EPG5: variants seen among roughly 807,000 people sequenced by gnomAD.
EPG5 encodes ectopic P granules protein 5 homolog.
Under a neutral mutation model 302.7 loss-of-function variants are expected in EPG5, and 159 were observed. That is an observed-to-expected ratio of 0.53 (90% confidence interval 0.46 to 0.60). The LOEUF is 0.60. Ranked by LOEUF, EPG5 falls within the 20% of genes least tolerant of loss-of-function variation. The pLI, the probability that EPG5 is intolerant of heterozygous loss-of-function variation, is 0.00. For synonymous variants in EPG5, 1,158 were observed against 1,136.8 expected, an observed-to-expected ratio of 1.02 and a Z score of -0.37; for missense variants, 2,896 against 3,092.4, an observed-to-expected ratio of 0.94 and a Z score of 1.51.
chr18:45,870,589 ATC>A lies in EPG5; in HGVS notation c.6201_6202del (p.Gln2067HisfsTer27). 6.2e-7 allele frequency: 1 copy of A among 1,613,754 alleles called. No homozygotes were observed. The highest frequency in any genetic ancestry group is 8.5e-7 in the Non-Finnish European group (1 of 1,179,756). ...TACTTTGAAGAAGGCCTCCATGAGC[ATC>A]TGGTCAGGGTGCAGGTCCTTCCATG... On this transcript the variant is annotated frameshift_variant, in exon 36 of 44. Coordinates refer to ENST00000282041, the MANE Select transcript of EPG5 (RefSeq NM_020964.3). LOFTEE classifies it high-confidence loss of function.
intron 29 of EPG5, among the ~76,000 whole-genome samples, chr18:45,885,199 C>T (rs1252917964): frequency 6.6e-6 from 1 of 151,966 alleles, no homozygotes; most frequent in Non-Finnish European, 1.5e-5. Flanking sequence ...ATTAGCTGGG[C>T]GTGGTGGTGG....
intron 1 of EPG5, among the ~76,000 whole-genome samples, chr18:45,966,156 A>C (rs2051250323): frequency 6.6e-6 from 1 of 151,882 alleles, no homozygotes; most frequent in Non-Finnish European, 1.5e-5. Context: ...GCGGATCACG[A>C]GGTCAGGAGA....
the EPG5 span, among the ~76,000 whole-genome samples, chr18:45,841,518 A>G: frequency 1.3e-5 from 2 of 152,122 alleles, no homozygotes; most frequent in African/African-American, 2.4e-5. Context: ...ACTTGGTTGC[A>G]GGCCGTTGGC....
chr18:45,877,514 C>A (rs557974945), intron 34 of EPG5, among the ~76,000 whole-genome samples: 1 of 152,250 alleles, frequency 6.6e-6, no homozygotes, highest in South Asian at 2.1e-4. Context: ...AAGCAGCCAG[C>A]ACTATGGTAA....
Position 45,848,962 on chromosome 18 carries a change from C to T in EPG5, c.*3505G>A, listed in dbSNP as rs1346946300. 6 of 152,130 alleles carry T rather than the reference C, an allele frequency of 3.9e-5. No individual in the cohort carries two copies. Among genetic ancestry groups the T allele is most frequent in the Admixed American group, 3.9e-4 (6 of 15,262 alleles). The allele number at this position is 152,130 out of a possible 1,614,324, so 9.4% of individuals were successfully genotyped here. On this transcript the variant is annotated 3_prime_UTR_variant, in exon 44 of 44. Coordinates refer to ENST00000282041, the MANE Select transcript of EPG5 (RefSeq NM_020964.3). ...ATTAGCCGGGCGTGGTGGCATGCAC[C>T]TGTAGTCCTGGCTCCTTGGGAGGCT...
At position 45,951,093 on chromosome 18, in the gene EPG5, TC is replaced by T; in HGVS notation, c.1389+8del. ...ACAAAGACTACTGTGTCTATCTCTG[TC>T]CCCTTACCAATTTCTGCAGCCAGAG... On this transcript the variant is annotated splice_region_variant and intron_variant, in intron 4 of 43. Transcript: ENST00000282041. The T allele has an allele frequency of 6.4e-7, 1 of 1,563,804 alleles. No homozygotes were observed.
At chr18:45,940,640 T>C (rs1188898533) in intron 9 of EPG5, among the ~76,000 whole-genome samples, 3 of 152,222 alleles carry the variant, frequency 2.0e-5, no homozygotes, top group East Asian at 1.9e-4. Flanking sequence ...TCAGAATCCA[T>C]GTTAATATTA....
Position 45,870,751 on chromosome 18 carries a change from T to C in EPG5, c.6050-9A>G, listed in dbSNP as rs1358247288. 1.9e-6 allele frequency: 3 copies of C among 1,553,218 alleles called. No homozygotes were observed. Among genetic ancestry groups the C allele is most frequent in the Admixed American group, 3.5e-5 (2 of 56,592 alleles). ...ACCTGGCAACAGCTTATCTAGAATGTGAAAAGAAAATAGAGCTGAAGACCT... is the reference window on the plus strand; with the variant it reads ...ACCTGGCAACAGCTTATCTAGAATGCGAAAAGAAAATAGAGCTGAAGACCT... On this transcript the variant is annotated splice_polypyrimidine_tract_variant and intron_variant, in intron 35 of 43. Coordinates refer to ENST00000282041, the MANE Select transcript of EPG5 (RefSeq NM_020964.3).
chr18:45,879,270 T>C, intron 32 of EPG5, 56 bp from the exon 33 acceptor site: 2 of 1,315,126 alleles, frequency 1.5e-6, no homozygotes, highest in African/African-American at 1.5e-5. Flanking sequence ...TAGTAAAGTG[T>C]TATGATACAC....
chr18:45,967,228 C>A lies in EPG5; in HGVS notation c.12G>T (p.Ala4=), dbSNP rs545101317. Residue 4 remains alanine, a synonymous_variant, in exon 1 of 44, where the codon GCG becomes GCT. Coordinates refer to ENST00000282041, the MANE Select transcript of EPG5 (RefSeq NM_020964.3). ...CCTTGGCCCGGCGCTGGGGCTTCACCGCCTCGGCCATAGACCCTTCCGCGG... is the reference window on the plus strand; with the variant it reads ...CCTTGGCCCGGCGCTGGGGCTTCACAGCCTCGGCCATAGACCCTTCCGCGG... MAE[A]VKPQRRAKAK... The A allele has an allele frequency of 8.7e-6, 14 of 1,603,372 alleles. No homozygotes were observed. The highest frequency in any genetic ancestry group is 1.1e-5 in the Non-Finnish European group (13 of 1,175,244).
chr18:45,802,769 A>C, the EPG5 span, among the ~76,000 whole-genome samples: 1 of 152,174 alleles, frequency 6.6e-6, no homozygotes, highest in African/African-American at 2.4e-5. Context: ...CTAGGATCTC[A>C]TGCTCTCTTG....
the EPG5 span, among the ~76,000 whole-genome samples, chr18:45,804,639 A>G: frequency 6.6e-6 from 1 of 152,232 alleles, no homozygotes; most frequent in Non-Finnish European, 1.5e-5. Flanking sequence ...AGCAATATCT[A>G]TCAAATATGA....
chr18:45,880,223 C>A lies in EPG5; in HGVS notation c.5519G>T (p.Ser1840Ile). The A allele has an allele frequency of 1.3e-6, 2 of 1,589,726 alleles. No individual in the cohort carries two copies. The change falls in exon 32 of 44, where the codon AGC becomes ATC. Residue 1840 changes from serine (S) to isoleucine (I), a missense_variant and splice_region_variant. By Grantham distance (142) the Ser-to-Ile change is moderately radical. Coordinates refer to ENST00000282041, the MANE Select transcript of EPG5 (RefSeq NM_020964.3). ...GGGGCTCAGAAGCTGCTCCGCGGAGCCTGCCAGCAGGGACAGGAAGAGCAA... is the reference window on the plus strand; with the variant it reads ...GGGGCTCAGAAGCTGCTCCGCGGAGACTGCCAGCAGGGACAGGAAGAGCAA... Reference protein sequence around the residue: ...YSDILRLLMQSSAEQLLSPEC... With the variant: ...YSDILRLLMQISAEQLLSPEC...
At chr18:45,823,640 T>C in the EPG5 span, among the ~76,000 whole-genome samples, 1 of 152,360 alleles carries the variant, frequency 6.6e-6, no homozygotes, top group African/African-American at 2.4e-5. Flanking sequence ...TTATTATTTT[T>C]TTATTCATCT....
chr18:45,929,873 G>C (rs947306684), intron 12 of EPG5, among the ~76,000 whole-genome samples: 4 of 152,308 alleles, frequency 2.6e-5, no homozygotes, highest in South Asian at 2.1e-4. Flanking sequence ...ATCCAGGTTT[G>C]TCATTCTCAA....
chr18:45,916,020 GGTAGA>G lies in EPG5; in HGVS notation c.3566_3570del (p.Leu1189ProfsTer4). The G allele has an allele frequency of 6.2e-7, 1 of 1,611,452 alleles. No homozygotes were observed. The highest frequency in any genetic ancestry group is 1.1e-5 in the South Asian group (1 of 90,788). On this transcript the variant is annotated frameshift_variant, in exon 19 of 44. Coordinates refer to ENST00000282041, the MANE Select transcript of EPG5 (RefSeq NM_020964.3). LOFTEE classifies it high-confidence loss of function. ...AACAGGTTAATTACCTTATGTTGTT[GGTAGA>G]GTAATTTCTGTATGCAGTCTTCCTG...
At chr18:45,823,043 G>T in the EPG5 span, among the ~76,000 whole-genome samples, 1 of 152,190 alleles carries the variant, frequency 6.6e-6, no homozygotes, top group South Asian at 2.1e-4. Flanking sequence ...GTTGCACAGA[G>T]AACTGTGGAA....
intron 36 of EPG5, among the ~76,000 whole-genome samples, chr18:45,869,755 G>C (rs1568106327): frequency 6.6e-6 from 1 of 152,000 alleles, no homozygotes; most frequent in Non-Finnish European, 1.5e-5. Context: ...GTTCCATTAA[G>C]GGCACTAAAA....
intron 40 of EPG5, 132 bp downstream of exon 40, chr18:45,859,972 C>T: frequency 8.4e-7 from 1 of 1,185,528 alleles, no homozygotes; most frequent in African/African-American, 1.5e-5. Context: ...ACATCCACAA[C>T]ATTTGTAGAG....
Sources: allele counts gnomAD v4.1 joint callset (sites outside exome capture counted in the v4.1 genomes callset), GRCh38; gene constraint gnomAD v4.1.1; transcripts MANE v1.5; gene names NCBI Gene and HGNC (gene_info 2026-07-23, HGNC 2026-07-21).